Variants in ANKAR observed in about 807,000 individuals in gnomAD.
ANKAR encodes ankyrin and armadillo repeat-containing protein.
In ANKAR, 136 loss-of-function variants were observed where a neutral mutation model predicts 146.2. That is an observed-to-expected ratio of 0.93 (90% CI 0.81 to 1.07). The LOEUF (loss-of-function observed/expected upper bound fraction) is 1.07, where lower values mean the gene tolerates loss of function less well. ANKAR is among the 50% of genes least tolerant of loss of function. ANKAR has a pLI of 0.00. For synonymous variants in ANKAR, 500 were observed against 575.8 expected (o/e 0.87, Z 1.88); for missense variants, 1,567 against 1,679.9 (o/e 0.93, Z 1.18).
At chr2:189,702,171 A>C (rs958563821) in intron 7 of ANKAR, among the ~76,000 whole-genome samples, 6 of 152,200 alleles carry the variant, frequency 3.9e-5, no homozygotes, top group African/African-American at 1.4e-4. Flanking sequence ...CCAATAGGTT[A>C]GGCTCTGGTA....
chr2:189,761,279 GGTTTTCTATA>G, downstream of ANKAR: 1 of 796,840 alleles, frequency 1.3e-6, no homozygotes, highest in Non-Finnish European at 1.9e-6. Context: ...AAGTGTTTGA[GGTTTTCTATA>G]GCAGTTATTA....
chr2:189,744,061 C>T lies in ANKAR; in HGVS notation c.4010+587C>T, dbSNP rs573327420. Among the ~76,000 whole-genome samples, 8 of 152,292 alleles carry T rather than the reference C, an allele frequency of 5.3e-5. 1 individual carries two copies. In the East Asian group the frequency reaches 1.5e-3, roughly 29 times the overall value. On this transcript the variant is annotated intron_variant, in intron 21 of 22. Transcript: ENST00000684021. ...CTCTTCTGTAAATGTAGCTGAATTA[C>T]AAGTCTTCTCTCCAAGTAGTGATAT...
intron 19 of ANKAR, among the ~76,000 whole-genome samples, 181 bp downstream of exon 19, chr2:189,738,863 T>G (rs2043082581): frequency 6.6e-6 from 1 of 152,230 alleles, no homozygotes; most frequent in African/African-American, 2.4e-5. Flanking sequence ...GGGTGTCTAC[T>G]CTGTACCCCA....
At chr2:189,715,301 C>G (rs1015822232) in intron 10 of ANKAR, among the ~76,000 whole-genome samples, 4 of 152,138 alleles carry the variant, frequency 2.6e-5, no homozygotes, top group Non-Finnish European at 5.9e-5. Context: ...TCAGAGAATA[C>G]TATAAACACC....
At chr2:189,713,589 G>A (rs1208506543) in intron 10 of ANKAR, among the ~76,000 whole-genome samples, 1 of 152,202 alleles carries the variant, frequency 6.6e-6, no homozygotes, top group Non-Finnish European at 1.5e-5. Flanking sequence ...CACCAGGCCT[G>A]CCTTACAAGA....
In ANKAR at chr2:189,706,831, A is replaced by T. The variant is rs1346835499; in HGVS notation, c.1911-107A>T. 4.1e-6 allele frequency: 3 copies of T among 723,758 alleles called. No individual in the cohort carries two copies. In the African/African-American group the frequency reaches 5.4e-5, roughly 13 times the overall value. 44.8% of individuals were successfully genotyped at this position (723,758 alleles called of 1,614,324 possible). ...GAAGATGAGAATTCCTAAGAATAGA[A>T]GGTGGTGGTGTAAGTCAGACTACCT... On this transcript the variant is annotated intron_variant, in intron 8 of 22. Coordinates refer to ENST00000684021, the MANE Select transcript of ANKAR (RefSeq NM_001378068.1).
rs372018282 is a variant in ANKAR, at chr2:189,728,789, G to A, written c.3161G>A (p.Ser1054Asn). ...ACGATTGCTGAAGGCACACTTCTCA[G>A]TGTCATCAGAGCAGTGGGATCCATT... Reference protein sequence around the residue: ...ISTIAEGTLLSVIRAVGSICI... With the variant: ...ISTIAEGTLLNVIRAVGSICI... Residue 1054 changes from serine to asparagine, a missense_variant, in exon 15 of 23, where the codon AGT becomes AAT. Coordinates refer to ENST00000684021, the MANE Select transcript of ANKAR (RefSeq NM_001378068.1). 71 of 1,613,854 alleles carry A rather than the reference G, an allele frequency of 4.4e-5. No individual in the cohort carries two copies. The highest frequency in any genetic ancestry group is 5.2e-5 in the Non-Finnish European group (61 of 1,179,898).
downstream of ANKAR, chr2:189,762,776 T>G: frequency 1.0e-6 from 1 of 985,470 alleles, no homozygotes; most frequent in Non-Finnish European, 1.2e-6. Flanking sequence ...AGCCCGAACC[T>G]GGCGCCCGGA....
At chr2:189,694,954 C>T in intron 5 of ANKAR, 27 bp from the exon 6 acceptor site, 1 of 1,364,510 alleles carries the variant, frequency 7.3e-7, no homozygotes, top group South Asian at 2.0e-5. Context: ...GTTAGAGAAA[C>T]ATCTTTTTTT....
chr2:189,691,209 C>T (rs1419441863), intron 3 of ANKAR, among the ~76,000 whole-genome samples: 3 of 152,152 alleles, frequency 2.0e-5, no homozygotes, highest in Non-Finnish European at 1.5e-5. Context: ...CCACCTGCCA[C>T]CATGCCCAGC....
At chr2:189,710,703 G>A (rs2039571740) in intron 9 of ANKAR, among the ~76,000 whole-genome samples, 1 of 152,210 alleles carries the variant, frequency 6.6e-6, no homozygotes, top group African/African-American at 2.4e-5. Flanking sequence ...TAGGAAGGCT[G>A]AGATGGTAGA....
rs749957148 is a variant in ANKAR, at chr2:189,705,125, G to A, written c.1811G>A (p.Trp604Ter). Residue 604 changes from tryptophan (W) to a stop codon, truncating the protein, a stop_gained, in exon 8 of 23, where the codon TGG (tryptophan) becomes TAG (stop). Coordinates refer to ENST00000684021, the MANE Select transcript of ANKAR (RefSeq NM_001378068.1). LOFTEE classifies it high-confidence loss of function. ...TACACGCTTTCTGAAAAAAGAGGCT[G>A]GATGCCGATTCACTTTGCCGCTTTC... ...ADYTLSEKRG[W>*]MPIHFAAFYD... The A allele has an allele frequency of 6.2e-7, 1 of 1,614,058 alleles. No homozygotes were observed. Among genetic ancestry groups the A allele is most frequent in the Admixed American group, 1.7e-5 (1 of 59,982 alleles).
intron 19 of ANKAR, among the ~76,000 whole-genome samples, chr2:189,739,924 C>T (rs1012113615): frequency 2.6e-5 from 4 of 152,144 alleles, no homozygotes; most frequent in Non-Finnish European, 4.4e-5. Context: ...TAAATTAATT[C>T]CTCCAGGATG....
At chr2:189,761,497 A>T, downstream of ANKAR, 1 of 1,613,000 alleles carries the variant, frequency 6.2e-7, no homozygotes, top group Non-Finnish European at 8.5e-7. Context: ...CAGCTGCTGT[A>T]TCATCACAAC....
At chr2:189,719,912 T>A in intron 11 of ANKAR, 99 bp downstream of exon 11, 1 of 1,278,086 alleles carries the variant, frequency 7.8e-7, no homozygotes, top group Non-Finnish European at 1.0e-6. Flanking sequence ...GTGACAAAAC[T>A]CTCAGGGAAG....
At chr2:189,757,702 G>A (rs542459650) in intron 18 of ANKAR, among the ~76,000 whole-genome samples, 20 of 152,300 alleles carry the variant, frequency 1.3e-4, no homozygotes, top group Admixed American at 3.3e-4. Context: ...CACTTATATG[G>A]TGAGCTGTTC....
intron 17 of ANKAR, among the ~76,000 whole-genome samples, chr2:189,733,525 C>T (rs921254600): frequency 6.6e-6 from 1 of 152,122 alleles, no homozygotes; most frequent in African/African-American, 2.4e-5. Context: ...GCCCTTTCAG[C>T]CCTCAGTCAT....
chr2:189,692,650 A>G (rs984400350), intron 4 of ANKAR: 3 of 383,130 alleles, frequency 7.8e-6, no homozygotes, highest in East Asian at 1.1e-4. Flanking sequence ...AGGTACATCT[A>G]TCACCCTCAC....
chr2:189,676,685 A>C lies in ANKAR; in HGVS notation c.195A>C (p.Val65=). The C allele has an allele frequency of 3.1e-6, 5 of 1,614,210 alleles. No individual in the cohort carries two copies. Among genetic ancestry groups the C allele is most frequent in the Non-Finnish European group, 4.2e-6 (5 of 1,180,038 alleles). Reference sequence around the variant, plus strand: ...CCAAAGAGGATGTGCGCTCTCAAGTAGACCTCCCATGTGGAATTATGAGTC... The same window carrying C: ...CCAAAGAGGATGTGCGCTCTCAAGTCGACCTCCCATGTGGAATTATGAGTC... The part of the protein sequence containing the change: ...LSAKEDVRSQ[V]DLPCGIMSQM... The change falls in exon 2 of 23, where the codon GTA becomes GTC. Residue 65 remains valine, a synonymous_variant. Coordinates refer to ENST00000684021, the MANE Select transcript of ANKAR (RefSeq NM_001378068.1).
Sources: allele counts gnomAD v4.1 joint callset (sites outside exome capture counted in the v4.1 genomes callset), GRCh38; gene constraint gnomAD v4.1.1; transcripts MANE v1.5; gene names NCBI Gene and HGNC (gene_info 2026-07-23, HGNC 2026-07-21).